The following PTGER3 variants were observed in gnomAD, a reference collection of about 807,000 sequenced individuals.
PTGER3 encodes prostaglandin E2 receptor EP3 subtype.
A neutral mutation model predicts 34.7 loss-of-function variants in PTGER3; 22 were observed. The ratio of observed to expected loss-of-function variants is 0.63; its 90% CI spans 0.45 to 0.91. The LOEUF (loss-of-function observed/expected upper bound fraction) is 0.91. Ranked by LOEUF, PTGER3 falls within the 40% of genes least tolerant of loss-of-function variation. PTGER3 has a pLI of 0.00. For synonymous variants in PTGER3, 241 were observed against 230.1 expected, an observed-to-expected ratio of 1.05 and a Z score of -0.43; for missense variants, 468 against 519.4, an observed-to-expected ratio of 0.90 and a Z score of 0.96.
At chr1:70,912,490 C>T (rs1288930617) in intron 4 of PTGER3, among the ~76,000 whole-genome samples, 5 of 151,968 alleles carry the variant, frequency 3.3e-5, no homozygotes, top group Non-Finnish European at 7.4e-5. Flanking sequence ...CATTGCTTTT[C>T]TTTCTTTCCT....
intron 2 of PTGER3, among the ~76,000 whole-genome samples, chr1:70,960,645 G>A (rs1651837292): frequency 6.6e-6 from 1 of 152,040 alleles, no homozygotes; most frequent in African/African-American, 2.4e-5. Context: ...AGAAGCAAGA[G>A]GATCAAGGAG....
intron 2 of PTGER3, among the ~76,000 whole-genome samples, chr1:70,954,862 A>T (rs1393411885): frequency 6.6e-6 from 1 of 152,144 alleles, no homozygotes; most frequent in Non-Finnish European, 1.5e-5. Context: ...GAAACTACAA[A>T]TATACTACTG....
At chr1:70,925,850 T>C (rs1306028165) in intron 4 of PTGER3, among the ~76,000 whole-genome samples, 2 of 152,146 alleles carry the variant, frequency 1.3e-5, no homozygotes, top group East Asian at 1.9e-4. Context: ...TTCATAGGCA[T>C]TCATTTCATT....
At chr1:70,888,329 C>A (rs1646542247) in intron 4 of PTGER3, among the ~76,000 whole-genome samples, 1 of 152,140 alleles carries the variant, frequency 6.6e-6, no homozygotes, top group Non-Finnish European at 1.5e-5. Context: ...TAGGGAAGTT[C>A]AGGAACATCA....
intron 4 of PTGER3, among the ~76,000 whole-genome samples, chr1:70,916,166 A>G (rs1488229847): frequency 6.6e-6 from 1 of 152,066 alleles, no homozygotes; most frequent in African/African-American, 2.4e-5. Flanking sequence ...GATAAATGCA[A>G]ATCAAAACCA....
chr1:70,906,159 G>C (rs183874016), intron 4 of PTGER3, among the ~76,000 whole-genome samples: 1 of 152,304 alleles, frequency 6.6e-6, no homozygotes, highest in African/African-American at 2.4e-5. Context: ...ATGTGGAACT[G>C]TGAGTTCCAT....
In PTGER3 at chr1:71,047,749, G is replaced by A. The variant is rs906708623; in HGVS notation, c.-172C>T. 1.2e-5 allele frequency: 7 copies of A among 597,116 alleles called. No homozygotes were observed. Among genetic ancestry groups the A allele is most frequent in the Non-Finnish European group, 1.5e-5 (6 of 412,776 alleles). The allele number at this position is 597,116 out of a possible 1,614,324, so 37.0% of individuals were successfully genotyped here. ...CCGCTGCTGGGACCGCGGCCGCGGC[G>A]GCGCCAGGGCTCACTGGCCCGGGAG... is the stretch of plus-strand genomic sequence containing the variant. On this transcript the variant is annotated 5_prime_UTR_variant, in exon 1 of 4. Transcript: ENST00000306666.
At chr1:70,953,736 A>G (rs1453673852) in intron 3 of PTGER3, 1 of 1,538,144 alleles carries the variant, frequency 6.5e-7, no homozygotes, top group Non-Finnish European at 8.8e-7. Context: ...AAATGCAACT[A>G]GTTTTAATAC....
At chr1:71,031,193 G>T (rs376599009) in intron 1 of PTGER3, among the ~76,000 whole-genome samples, 9 of 151,636 alleles carry the variant, frequency 5.9e-5, no homozygotes, top group Admixed American at 1.3e-4. Flanking sequence ...TTCAGTTTGC[G>T]CTCCACCAGT....
chr1:70,892,922 A>G (rs1397645540), intron 4 of PTGER3, among the ~76,000 whole-genome samples: 1 of 152,030 alleles, frequency 6.6e-6, no homozygotes, highest in African/African-American at 2.4e-5. Flanking sequence ...GTAAAATAAT[A>G]CTGCATCTAC....
intron 4 of PTGER3, among the ~76,000 whole-genome samples, chr1:70,872,242 T>G (rs1327449): frequency 0.14 from 21,879 of 152,250 alleles, 2,179 homozygotes; most frequent in Non-Finnish European, 0.21. Context: ...TCTTGGTTTG[T>G]ATGTTCATAT....
intron 2 of PTGER3, among the ~76,000 whole-genome samples, chr1:70,988,608 A>G (rs529441582): frequency 1.2e-3 from 187 of 152,210 alleles, no homozygotes; most frequent in Non-Finnish European, 2.2e-3. Context: ...GAGGATGTAA[A>G]CTAAGAATGA....
intron 1 of PTGER3, among the ~76,000 whole-genome samples, chr1:71,022,741 A>G (rs994541639): frequency 2.0e-5 from 3 of 150,744 alleles, no homozygotes; most frequent in Non-Finnish European, 4.4e-5. Flanking sequence ...ACAGGCACAC[A>G]CACACACATA....
intron 4 of PTGER3, chr1:70,865,963 C>T (rs1646033676): frequency 4.5e-6 from 2 of 441,130 alleles, no homozygotes; most frequent in South Asian, 2.4e-5. Context: ...ATTTCTTCTT[C>T]AAAGTTCAAC....
chr1:70,930,584 G>A (rs1034419161), intron 4 of PTGER3, among the ~76,000 whole-genome samples: 29 of 152,066 alleles, frequency 1.9e-4, no homozygotes, highest in African/African-American at 6.5e-4. Flanking sequence ...GTTTCACATG[G>A]CTAGGGGGGC....
intron 4 of PTGER3, among the ~76,000 whole-genome samples, chr1:70,864,209 A>T (rs922449707): frequency 6.6e-6 from 1 of 151,858 alleles, no homozygotes; most frequent in Non-Finnish European, 1.5e-5. Flanking sequence ...TATTAGTCAA[A>T]TTTTTTATCT....
At chr1:70,945,071 C>A (rs990896346) in intron 4 of PTGER3, among the ~76,000 whole-genome samples, 1 of 152,156 alleles carries the variant, frequency 6.6e-6, no homozygotes, top group African/African-American at 2.4e-5. Flanking sequence ...CTATAGTTAG[C>A]TAGTGGCTGA....
intron 4 of PTGER3, among the ~76,000 whole-genome samples, chr1:70,881,822 G>A (rs1646397208): frequency 1.3e-5 from 2 of 152,192 alleles, no homozygotes; most frequent in Non-Finnish European, 2.9e-5. Context: ...GCCCTAATAT[G>A]TTGTTTGAGT....
intron 4 of PTGER3, among the ~76,000 whole-genome samples, chr1:70,882,231 G>A (rs1557626720): frequency 1.3e-5 from 2 of 152,184 alleles, no homozygotes; most frequent in African/African-American, 4.8e-5. Flanking sequence ...ATGGGTGTGT[G>A]GTGTCACCCA....
Sources: gnomAD v4.1 joint callset for allele counts (sites outside exome capture counted in the v4.1 genomes callset) on GRCh38, gnomAD v4.1.1 for gene constraint, MANE v1.5 for transcripts, NCBI Gene and HGNC (gene_info 2026-07-23, HGNC 2026-07-21) for gene names.